BCL11A: variants seen among roughly 807,000 people sequenced by gnomAD.
BCL11A encodes BCL11 transcription factor A.
Under a neutral mutation model 55.9 loss-of-function variants are expected in BCL11A, and 2 were observed. The observed-to-expected ratio is 0.04, with a 90% CI of 0.01 to 0.11. BCL11A has a LOEUF of 0.11. Ranked by LOEUF, BCL11A falls within the 10% of genes least tolerant of loss-of-function variation. The pLI, the probability that BCL11A is intolerant of heterozygous loss-of-function variation, is 1.00. For missense variants in BCL11A, 817 were observed against 1,137.1 expected (o/e 0.72, Z 4.05); for synonymous variants, 465 against 473.4 (o/e 0.98, Z 0.23).
chr2:60,479,815 A>G (rs2104153292), intron 2 of BCL11A, among the ~76,000 whole-genome samples: 1 of 152,384 alleles, frequency 6.6e-6, no homozygotes, highest in South Asian at 2.1e-4. Flanking sequence ...CCTGGCATGT[A>G]AGGTATCAGC....
chr2:60,549,405 A>C (rs1005688971), intron 1 of BCL11A, among the ~76,000 whole-genome samples: 30 of 152,228 alleles, frequency 2.0e-4, no homozygotes, highest in African/African-American at 7.0e-4. Context: ...TAACAGGGTA[A>C]AGAAGCAAAC....
chr2:60,505,786 T>C (rs1328678488), intron 2 of BCL11A, among the ~76,000 whole-genome samples: 1 of 152,176 alleles, frequency 6.6e-6, no homozygotes, highest in Non-Finnish European at 1.5e-5. Context: ...AATAAATCAT[T>C]CGTGGCTGAC....
At chr2:60,456,123 A>T (rs1361956456), downstream of BCL11A, among the ~76,000 whole-genome samples, 1 of 152,198 alleles carries the variant, frequency 6.6e-6, no homozygotes. Context: ...TGCCTCAGAT[A>T]AAAGGCATGA....
At chr2:60,522,280 T>C (rs1032226060) in intron 2 of BCL11A, 1 of 152,268 alleles carries the variant, frequency 6.6e-6, no homozygotes, top group Admixed American at 6.5e-5. Context: ...CCAGACGTCA[T>C]ATCATTTCAT....
intron 2 of BCL11A, chr2:60,538,157 A>T (rs1161223205): frequency 6.6e-6 from 1 of 152,210 alleles, no homozygotes; most frequent in Non-Finnish European, 1.5e-5. Context: ...TTTTACAGGA[A>T]GTTTAAACCT....
chr2:60,461,169 G>A lies in BCL11A; in HGVS notation c.1743C>T (p.His581=), dbSNP rs116447044. The A allele has an allele frequency of 6.2e-6, 10 of 1,612,636 alleles. No homozygotes were observed. The highest frequency in any genetic ancestry group is 5.1e-6 in the Non-Finnish European group (6 of 1,179,836). ...KRGHLAEAEG[H]RDTCDEDSVA... is the part of the protein sequence containing the mutation. The stretch of plus-strand genomic sequence containing the variant: ...CCGAGTCTTCGTCGCAAGTGTCCCT[G>A]TGGCCCTCGGCCTCGGCCAGGTGGC... Residue 581 remains histidine (H), a synonymous_variant, in exon 4 of 4, where the codon CAC becomes CAT. Transcript: ENST00000642384.
chr2:60,461,219 C>T lies in BCL11A; in HGVS notation c.1693G>A (p.Val565Ile). ...MQHFSEAFHQ[V>I]LGEKHKRGHL... Reference sequence around the variant, plus strand: ...CCGCGCTTATGCTTCTCGCCCAGGACCTGGTGGAAGGCCTCGCTGAAGTGC... The same window carrying T: ...CCGCGCTTATGCTTCTCGCCCAGGATCTGGTGGAAGGCCTCGCTGAAGTGC... Residue 565 changes from valine to isoleucine, a missense_variant, in exon 4 of 4, where the codon GTC becomes ATC. Val to Ile is a conservative substitution (Grantham distance 29). This residue lies in a region of BCL11A where 379 missense variants were observed against 425.3 expected (regional missense o/e 0.89). Coordinates refer to ENST00000642384, the MANE Select transcript of BCL11A (RefSeq NM_022893.4). 6.2e-7 allele frequency: 1 copy of T among 1,611,706 alleles called. No individual in the cohort carries two copies. The highest frequency in any genetic ancestry group is 1.1e-5 in the South Asian group (1 of 91,072).
At chr2:60,525,595 T>C (rs1669166359) in intron 2 of BCL11A, 1 of 152,088 alleles carries the variant, frequency 6.6e-6, no homozygotes, top group Non-Finnish European at 1.5e-5. Flanking sequence ...GTGGTGTTCA[T>C]ACTATGCTAG....
At chr2:60,486,045 C>T (rs761987139) in intron 2 of BCL11A, among the ~76,000 whole-genome samples, 3 of 152,186 alleles carry the variant, frequency 2.0e-5, no homozygotes, top group Non-Finnish European at 2.9e-5. Flanking sequence ...GTTTAGGGAT[C>T]TATTTCCATA....
At chr2:60,517,955 C>T (rs1457367681) in intron 2 of BCL11A, among the ~76,000 whole-genome samples, 1 of 152,134 alleles carries the variant, frequency 6.6e-6, no homozygotes, top group South Asian at 2.1e-4. Context: ...ACTCTAAAAC[C>T]CAATTTTAGG....
Position 60,542,172 on chromosome 2 carries a change from T to C in BCL11A, c.385+3799A>G, listed in dbSNP as rs192273439. The stretch of plus-strand genomic sequence containing the variant: ...TGTTCATGATTTTAAAGAGAAAAAA[T>C]GTTATATATCAACAGGAGCAGACTT... On this transcript the variant is annotated intron_variant, in intron 2 of 3. Coordinates refer to ENST00000642384, the MANE Select transcript of BCL11A (RefSeq NM_022893.4). The C allele has an allele frequency of 9.2e-6, 3 of 324,676 alleles. No homozygotes were observed. In the East Asian group the frequency reaches 1.5e-4, roughly 17 times the overall value. The allele number at this position is 324,676 out of a possible 1,614,324, so 20.1% of individuals were successfully genotyped here.
intron 2 of BCL11A, among the ~76,000 whole-genome samples, chr2:60,538,745 G>C (rs879570465): frequency 0.018 from 2,217 of 120,742 alleles, 27 homozygotes; most frequent in Non-Finnish European, 0.023. Context: ...CTCTCTGTGT[G>C]TGTGTGTGTG....
At chr2:60,508,294 A>G (rs916737090) in intron 2 of BCL11A, among the ~76,000 whole-genome samples, 1 of 152,166 alleles carries the variant, frequency 6.6e-6, no homozygotes, top group African/African-American at 2.4e-5. Context: ...GGACACAGGG[A>G]AGGCCTGATG....
intron 3 of BCL11A, among the ~76,000 whole-genome samples, chr2:60,462,961 C>A (rs1676398447): frequency 6.6e-6 from 1 of 152,186 alleles, no homozygotes; most frequent in African/African-American, 2.4e-5. Context: ...CAACTCACTA[C>A]AATGTTCTAT....
downstream of BCL11A, among the ~76,000 whole-genome samples, chr2:60,456,274 A>T (rs888911061): frequency 2.0e-5 from 3 of 152,248 alleles, no homozygotes; most frequent in African/African-American, 7.2e-5. Context: ...CTACACTGGG[A>T]ACAGGGACAC....
chr2:60,537,964 T>C (rs763719142), intron 2 of BCL11A: 5 of 152,246 alleles, frequency 3.3e-5, no homozygotes, highest in Non-Finnish European at 5.9e-5. Context: ...TTGGCAATGC[T>C]AACAACAGTG....
At chr2:60,456,541 G>C (rs1268965768), downstream of BCL11A, among the ~76,000 whole-genome samples, 1 of 152,186 alleles carries the variant, frequency 6.6e-6, no homozygotes, top group Non-Finnish European at 1.5e-5. Context: ...CAGGAAATCA[G>C]TGGCTGATTC....
chr2:60,488,700 C>G (rs181530069), intron 2 of BCL11A, among the ~76,000 whole-genome samples: 2 of 152,176 alleles, frequency 1.3e-5, no homozygotes. Flanking sequence ...AGCCAAAGAT[C>G]CAAAAACAGC....
downstream of BCL11A, chr2:60,451,035 C>T (rs921889515): frequency 4.5e-5 from 8 of 176,938 alleles, no homozygotes; most frequent in African/African-American, 1.7e-4. Context: ...GATGTGGCCT[C>T]TGGCAAGCCC....
Sources: allele counts gnomAD v4.1 joint callset (sites outside exome capture counted in the v4.1 genomes callset), GRCh38; gene constraint gnomAD v4.1.1; regional missense constraint gnomAD v4.1.1; transcripts MANE v1.5; gene names NCBI Gene and HGNC (gene_info 2026-07-23, HGNC 2026-07-21).